CLPB: variants seen among roughly 807,000 people sequenced by gnomAD.
CLPB encodes ClpB family mitochondrial disaggregase, also known as mitochondrial disaggregase.
Under a neutral mutation model 78.4 loss-of-function variants are expected in CLPB, and 40 were observed. The ratio of observed to expected loss-of-function variants is 0.51; its 90% CI spans 0.40 to 0.66. CLPB has a LOEUF of 0.66. Ranked by LOEUF, CLPB falls within the 30% of genes least tolerant of loss-of-function variation. CLPB has a pLI of 0.00. For synonymous variants in CLPB, 333 were observed against 348.0 expected, an observed-to-expected ratio of 0.96 and a Z score of 0.48; for missense variants, 780 against 886.9, an observed-to-expected ratio of 0.88 and a Z score of 1.53.
rs138293139 is a variant in CLPB at position 72,434,134 on chromosome 11, C to A, written c.341G>T (p.Gly114Val). 1 of 1,612,406 alleles carries A rather than the reference C, an allele frequency of 6.2e-7. No individual in the cohort carries two copies. Among genetic ancestry groups the A allele is most frequent in the East Asian group, 2.2e-5 (1 of 44,864 alleles). ...CAGCGCTGCGGCCAGGGCGCACATGCCCAGTCCGGCCCTGCTGGGGACCCC... is the reference window on the plus strand; with the variant it reads ...CAGCGCTGCGGCCAGGGCGCACATGACCAGTCCGGCCCTGCTGGGGACCCC... The part of the protein sequence containing the change: ...WNGVPSRAGL[G>V]MCALAAALVV... Residue 114 changes from glycine (G) to valine (V), a missense_variant, in exon 1 of 16, where the codon GGC becomes GTC. Physicochemically the swap from Gly to Val is moderately radical, Grantham distance 109 (BLOSUM62 -3). Transcript: ENST00000538039.
chr11:72,332,815 T>C (rs1284876013), intron 5 of CLPB: 1 of 152,224 alleles, frequency 6.6e-6, no homozygotes, highest in Non-Finnish European at 1.5e-5. Flanking sequence ...AATACTCCAT[T>C]CTGTGGATAT....
chr11:72,294,248 G>C, intron 14 of CLPB, 77 bp downstream of exon 14: 2 of 1,599,352 alleles, frequency 1.3e-6, no homozygotes, highest in South Asian at 2.2e-5. Flanking sequence ...TATGTGTGTG[G>C]GGGTGCCCCC....
chr11:72,393,443 T>A (rs1855312735), intron 3 of CLPB, among the ~76,000 whole-genome samples: 1 of 152,220 alleles, frequency 6.6e-6, no homozygotes, highest in African/African-American at 2.4e-5. Context: ...CATTTTAATC[T>A]TTGCAACCAC....
rs77508235 is a variant in CLPB at position 72,335,710 on chromosome 11, G to C, written c.776-5906C>G. Among the ~76,000 whole-genome samples, 1,502 of 152,258 alleles carry C rather than the reference G, an allele frequency of 9.9e-3. 25 individuals are homozygous for C. The highest frequency in any genetic ancestry group is 0.035 in the African/African-American group (1,447 of 41,532). ...TAAAGTCTGTCTCATCTAAGACTGA[G>C]AGTTCTTAGAAGCCAGACACTGTGT... On this transcript the variant is annotated intron_variant, in intron 5 of 15. Transcript: ENST00000538039.
intron 2 of CLPB, 105 bp from the exon 3 acceptor site, chr11:72,403,157 A>G (rs1413013456): frequency 2.8e-6 from 3 of 1,053,444 alleles, no homozygotes; most frequent in African/African-American, 3.1e-5. Context: ...ATGGCTTATC[A>G]TGGATGTAAA....
chr11:72,428,546 G>A (rs953992518), intron 2 of CLPB, among the ~76,000 whole-genome samples: 8 of 152,122 alleles, frequency 5.3e-5, no homozygotes, highest in Admixed American at 2.0e-4. Context: ...TCTGCTTCCC[G>A]CCTTTGCTTA....
intron 4 of CLPB, chr11:72,359,219 T>C (rs374478972): frequency 4.2e-6 from 3 of 709,776 alleles, no homozygotes; most frequent in Admixed American, 4.0e-5. Context: ...ACATCTGTTA[T>C]GTGTTAGGAT....
chr11:72,421,625 C>CT (rs1426964577), intron 2 of CLPB, among the ~76,000 whole-genome samples: 1 of 152,198 alleles, frequency 6.6e-6, no homozygotes, highest in Non-Finnish European at 1.5e-5. Flanking sequence ...GGCTGTGCTC[C>CT]TTTTCAGTGA....
Position 72,287,662 on chromosome 11 carries a change from A to G in CLPB, c.*5705T>C, listed in dbSNP as rs1195158673. The G allele has an allele frequency of 6.6e-6, 1 of 152,190 alleles. No individual in the cohort carries two copies. The highest frequency in any genetic ancestry group is 2.4e-5 in the African/African-American group (1 of 41,444). 9.4% of individuals were successfully genotyped at this position (152,190 alleles called of 1,614,324 possible). A position where few individuals can be genotyped will look rare whatever the true frequency, so the allele number is the denominator to read the frequency against. Reference sequence around the variant, plus strand: ...AATTTTATTTATTTTTCACCATCTTATGGTGCTCAAAAAGGATAAAATTTT... The same window carrying G: ...AATTTTATTTATTTTTCACCATCTTGTGGTGCTCAAAAAGGATAAAATTTT... On this transcript the variant is annotated 3_prime_UTR_variant, in exon 16 of 16. Coordinates refer to ENST00000538039, the MANE Select transcript of CLPB (RefSeq NM_001258392.3).
chr11:72,321,103 T>C (rs1950036317), intron 6 of CLPB, among the ~76,000 whole-genome samples: 1 of 151,968 alleles, frequency 6.6e-6, no homozygotes, highest in Non-Finnish European at 1.5e-5. Context: ...TATATTCTAT[T>C]TGGAGAAGAG....
chr11:72,386,362 T>C (rs1216790995), intron 3 of CLPB, among the ~76,000 whole-genome samples: 2 of 152,206 alleles, frequency 1.3e-5, no homozygotes, highest in African/African-American at 4.8e-5. Flanking sequence ...AAACTGCTAA[T>C]GCTTCTGCAA....
intron 7 of CLPB, among the ~76,000 whole-genome samples, chr11:72,314,846 T>C (rs939141165): frequency 6.6e-6 from 1 of 152,016 alleles, no homozygotes; most frequent in Admixed American, 6.5e-5. Context: ...AGGCAGGCCA[T>C]TGTGGCTGGT....
chr11:72,299,241 T>TC (rs1949611769), intron 11 of CLPB, among the ~76,000 whole-genome samples: 1 of 152,236 alleles, frequency 6.6e-6, no homozygotes. Context: ...CAGCTGTAGC[T>TC]TGGGCTCCCC....
chr11:72,433,321 A>G (rs931510613), intron 1 of CLPB, among the ~76,000 whole-genome samples: 6 of 152,294 alleles, frequency 3.9e-5, no homozygotes, highest in Admixed American at 3.3e-4. Flanking sequence ...GTACTTTGGG[A>G]GGCCAAGGCG....
intron 2 of CLPB, among the ~76,000 whole-genome samples, chr11:72,414,983 C>G (rs1306132483): frequency 6.6e-6 from 1 of 152,044 alleles, no homozygotes. Flanking sequence ...TTTGAGAGGC[C>G]GAGGTGGGTG....
chr11:72,326,796 G>A (rs1183438083), intron 6 of CLPB, among the ~76,000 whole-genome samples: 1 of 152,130 alleles, frequency 6.6e-6, no homozygotes, highest in Non-Finnish European at 1.5e-5. Context: ...CTAAAATGGT[G>A]TTCTTCCCAC....
intron 6 of CLPB, among the ~76,000 whole-genome samples, chr11:72,321,387 G>A (rs988209066): frequency 1.3e-5 from 2 of 152,216 alleles, no homozygotes; most frequent in Non-Finnish European, 2.9e-5. Flanking sequence ...GCCCTCACCT[G>A]GAGCCATCAG....
At chr11:72,352,895 T>G (rs1202784318) in intron 5 of CLPB, 1 of 152,244 alleles carries the variant, frequency 6.6e-6, no homozygotes, top group Non-Finnish European at 1.5e-5. Flanking sequence ...GGAGAGAGGA[T>G]ATGCCTAAAG....
intron 6 of CLPB, 120 bp from the exon 7 acceptor site, chr11:72,317,340 G>T: frequency 1.5e-6 from 1 of 677,058 alleles, no homozygotes; most frequent in South Asian, 2.0e-5. Context: ...CTTCATAGCT[G>T]TGGTTCATGG....
Sources: gnomAD v4.1 joint callset for allele counts (sites outside exome capture counted in the v4.1 genomes callset) on GRCh38, gnomAD v4.1.1 for gene constraint, MANE v1.5 for transcripts, NCBI Gene and HGNC (gene_info 2026-07-23, HGNC 2026-07-21) for gene names.